ANKRD36: variants seen among roughly 807,000 people sequenced by gnomAD.
ANKRD36 encodes the protein ankyrin repeat domain-containing protein 36A.
A neutral mutation model predicts 278.1 loss-of-function variants in ANKRD36; 179 were observed. The observed-to-expected ratio is 0.64, with a 90% confidence interval of 0.57 to 0.73. ANKRD36 has a LOEUF of 0.73. ANKRD36 is among the 30% of genes least tolerant of loss of function. The pLI, the probability that ANKRD36 is intolerant of heterozygous loss-of-function variation, is 0.00. For synonymous variants in ANKRD36, 320 were observed against 641.1 expected, an observed-to-expected ratio of 0.50 and a Z score of 7.57; for missense variants, 1,159 against 1,956.7, an observed-to-expected ratio of 0.59 and a Z score of 7.69.
chr2:97,225,228 G>A (rs1410014278), intron 67 of ANKRD36, among the ~76,000 whole-genome samples: 3 of 151,386 alleles, frequency 2.0e-5, no homozygotes, highest in Admixed American at 6.6e-5. Context: ...GATGACCACC[G>A]TACTGGATTC....
In ANKRD36 at chr2:97,144,622, G is replaced by C; in HGVS notation, c.931-18G>C. The C allele has an allele frequency of 6.5e-7, 1 of 1,548,840 alleles. No homozygotes were observed. The highest frequency in any genetic ancestry group is 8.7e-7 in the Non-Finnish European group (1 of 1,151,482). ...ATATACTGTAGGTATTGATTATTTT[G>C]TTTGAAATCCCACTCAGGATACAAG... On this transcript the variant is annotated intron_variant, in intron 9 of 75. Transcript: ENST00000420699.
chr2:97,227,505 T>G (rs1389318650), intron 67 of ANKRD36, among the ~76,000 whole-genome samples: 1 of 152,142 alleles, frequency 6.6e-6, no homozygotes, highest in Non-Finnish European at 1.5e-5. Context: ...AAGTTGCTGA[T>G]CAGCTTAAGG....
intron 22 of ANKRD36, among the ~76,000 whole-genome samples, chr2:97,178,487 A>G (rs1034564341): frequency 6.6e-6 from 1 of 151,876 alleles, no homozygotes; most frequent in Non-Finnish European, 1.5e-5. Flanking sequence ...ACCATGGAAT[A>G]CTATGCAGCC....
intron 48 of ANKRD36, 89 bp from the exon 49 acceptor site, chr2:97,203,979 G>A: frequency 1.3e-6 from 2 of 1,517,388 alleles, no homozygotes; most frequent in South Asian, 2.5e-5. Context: ...CAGGCAGGAG[G>A]ACAGAGGCTG....
intron 11 of ANKRD36, among the ~76,000 whole-genome samples, chr2:97,148,734 G>T (rs1310330402): frequency 6.6e-6 from 1 of 152,308 alleles, no homozygotes; most frequent in Non-Finnish European, 1.5e-5. Context: ...GTGTTTCAGG[G>T]GGCTCCCTGT....
intron 24 of ANKRD36, among the ~76,000 whole-genome samples, chr2:97,180,732 C>A (rs200017343): frequency 6.6e-6 from 1 of 151,588 alleles, no homozygotes; most frequent in Non-Finnish European, 1.5e-5. Context: ...ATGAAACTTC[C>A]TTAGAGACTA....
Position 97,185,428 on chromosome 2 carries a change from T to C in ANKRD36, c.1969-10T>C. 6.2e-7 allele frequency: 1 copy of C among 1,609,486 alleles called. No homozygotes were observed. Among genetic ancestry groups the C allele is most frequent in the Non-Finnish European group, 8.5e-7 (1 of 1,177,744 alleles). ...TTCTTTATTGATAATTTGCTTCAAA[T>C]TACTTTCAGGCTACAAGTGACAAGA... On this transcript the variant is annotated splice_polypyrimidine_tract_variant and intron_variant, in intron 29 of 75. Transcript: ENST00000420699.
chr2:97,126,808 C>T (rs996394282), intron 5 of ANKRD36, among the ~76,000 whole-genome samples: 1 of 150,958 alleles, frequency 6.6e-6, no homozygotes, highest in African/African-American at 2.4e-5. Context: ...CCAGTAAGAG[C>T]CAGGAAGGTG....
chr2:97,208,158 T>C (rs1350168877), intron 54 of ANKRD36, among the ~76,000 whole-genome samples, 152 bp downstream of exon 54: 12 of 146,262 alleles, frequency 8.2e-5, no homozygotes, highest in Non-Finnish European at 1.5e-4. Context: ...TGGGTGATGC[T>C]GATGCTGCTG....
chr2:97,190,051 C>G lies in ANKRD36; in HGVS notation c.2245+761C>G, dbSNP rs1262460994. On this transcript the variant is annotated intron_variant, in intron 34 of 75. Coordinates refer to ENST00000420699, the MANE Select transcript of ANKRD36 (RefSeq NM_001354587.1). ...ATATGAATACATTGGCTTCCTTGTT[C>G]AAGGAGCTACCTCTTGGATAAAATA... 2.3e-5 allele frequency among the ~76,000 whole-genome samples: 2 copies of G among 86,964 alleles called. 1 individual carries two copies. Among genetic ancestry groups the G allele is most frequent in the African/African-American group, 5.3e-5 (2 of 37,820 alleles). 57.1% of individuals were successfully genotyped at this position (86,964 alleles called of 152,430 possible). A position where few individuals can be genotyped will look rare whatever the true frequency, so the allele number is the denominator to read the frequency against.
intron 57 of ANKRD36, 37 bp from the exon 58 acceptor site, chr2:97,211,632 T>A: frequency 6.3e-7 from 1 of 1,593,070 alleles, no homozygotes; most frequent in Non-Finnish European, 8.5e-7. Context: ...TGAAATATAC[T>A]TTATTTATTG....
chr2:97,202,774 C>G (rs143178295), intron 48 of ANKRD36, among the ~76,000 whole-genome samples: 4,702 of 151,622 alleles, frequency 0.031, 105 homozygotes, highest in South Asian at 0.11. Flanking sequence ...CAGAAAACTT[C>G]TTGTAATAAC....
At chr2:97,216,777 G>C in intron 62 of ANKRD36, 1 of 442,510 alleles carries the variant, frequency 2.3e-6, no homozygotes. Context: ...TAGTATAATG[G>C]TGTAAATCCT....
intron 58 of ANKRD36, chr2:97,213,092 A>C (rs967121434): frequency 4.6e-5 from 20 of 433,780 alleles, no homozygotes; most frequent in African/African-American, 2.0e-5. Context: ...ATTGATTCTC[A>C]ATTGTATGAG....
chr2:97,229,060 T>C (rs2070971639), intron 67 of ANKRD36, among the ~76,000 whole-genome samples: 1 of 151,988 alleles, frequency 6.6e-6, no homozygotes, highest in African/African-American at 2.4e-5. Flanking sequence ...CTTCCAAGTA[T>C]GTGGTCAATT....
chr2:97,139,791 G>A (rs201250621), intron 6 of ANKRD36, among the ~76,000 whole-genome samples: 1,659 of 120,496 alleles, frequency 0.014, no homozygotes, highest in South Asian at 0.023. Flanking sequence ...AATCCAGTGT[G>A]TGCTTTTCAG....
chr2:97,179,109 T>G lies in ANKRD36; in HGVS notation c.1634-629T>G, dbSNP rs2443859. Reference sequence around the variant, plus strand: ...GAGTGGATGAAGGAACTTTTAGAAGTCTAAACTAGAAGATACAAGAGATGT... The same window carrying G: ...GAGTGGATGAAGGAACTTTTAGAAGGCTAAACTAGAAGATACAAGAGATGT... On this transcript the variant is annotated intron_variant, in intron 22 of 75. Transcript: ENST00000420699. Among the ~76,000 whole-genome samples the G allele has an allele frequency of 2.6e-5, 4 of 151,606 alleles. No individual in the cohort carries two copies. In the South Asian group the frequency reaches 6.3e-4, roughly 24 times the overall value.
chr2:97,121,816 A>G (rs2036953128), intron 3 of ANKRD36, among the ~76,000 whole-genome samples: 1 of 151,906 alleles, frequency 6.6e-6, no homozygotes, highest in South Asian at 2.1e-4. Context: ...ACTAGAATAC[A>G]AATAGATTTT....
intron 36 of ANKRD36, among the ~76,000 whole-genome samples, chr2:97,191,874 G>A (rs1029341212): frequency 2.6e-5 from 4 of 151,664 alleles, no homozygotes; most frequent in African/African-American, 9.7e-5. Flanking sequence ...TACATGTTTT[G>A]TTGATTTTAG....
Sources: gnomAD v4.1 joint callset for allele counts (sites outside exome capture counted in the v4.1 genomes callset) on GRCh38, gnomAD v4.1.1 for gene constraint, MANE v1.5 for transcripts, NCBI Gene and HGNC (gene_info 2026-07-23, HGNC 2026-07-21) for gene names.